The following MSL3B variants were observed in gnomAD, a reference collection of about 807,000 sequenced individuals.
MSL3B encodes MSL complex subunit 3B.
At chr2:233,866,683 C>A in the MSL3B span, 2 of 790,038 alleles carry the variant, frequency 2.5e-6, no homozygotes, top group Middle Eastern at 2.2e-4. Context: ...CGGCTTTGCG[C>A]CTTTTAGGGG....
the MSL3B span, chr2:233,868,294 C>G: frequency 3.7e-6 from 1 of 272,156 alleles, no homozygotes; most frequent in South Asian, 4.5e-5. Context: ...GGCTGCACGG[C>G]AGGGGAGATT....
the MSL3B span, chr2:233,867,004 AC>A: frequency 7.7e-7 from 1 of 1,291,940 alleles, no homozygotes; most frequent in Non-Finnish European, 1.1e-6. Flanking sequence ...CGTGATGGTG[AC>A]GAGGCCTCTC....
chr2:233,867,779 C>T, the MSL3B span, among the ~76,000 whole-genome samples: 7 of 144,576 alleles, frequency 4.8e-5, no homozygotes, highest in Non-Finnish European at 9.0e-5. Context: ...CGCCCAGACC[C>T]TAATCTACGA....
At chr2:233,864,790 GT>G in the MSL3B span, among the ~76,000 whole-genome samples, 1 of 152,132 alleles carries the variant, frequency 6.6e-6, no homozygotes, top group South Asian at 2.1e-4. Flanking sequence ...TCAAACTCCA[GT>G]GCTCTAACCT....
the MSL3B span, among the ~76,000 whole-genome samples, chr2:233,867,810 T>TTTTTTTTTTG: frequency 7.9e-6 from 1 of 126,152 alleles, no homozygotes; most frequent in Non-Finnish European, 1.7e-5. Flanking sequence ...TTTTTTTTTT[T>TTTTTTTTTTG]GAGACAGAGT....
the MSL3B span, chr2:233,867,415 C>A: frequency 2.0e-6 from 1 of 502,444 alleles, no homozygotes; most frequent in Non-Finnish European, 3.6e-6. Context: ...TCTCTTGCTC[C>A]TCAGGTGAGC....
chr2:233,866,681 C>A, the MSL3B span: 4 of 789,750 alleles, frequency 5.1e-6, no homozygotes, highest in South Asian at 2.7e-5. Flanking sequence ...CTCGGCTTTG[C>A]GCCTTTTAGG....
the MSL3B span, among the ~76,000 whole-genome samples, chr2:233,865,093 C>G: frequency 3.9e-5 from 6 of 152,184 alleles, no homozygotes; most frequent in Admixed American, 2.6e-4. Flanking sequence ...ATTAGGATCA[C>G]AGAAAGTGAA....
At chr2:233,867,140 T>A in the MSL3B span, 1 of 814,850 alleles carries the variant, frequency 1.2e-6, no homozygotes, top group Non-Finnish European at 2.2e-6. Context: ...ACAATCATCC[T>A]CCAGCTGCCT....
At chr2:233,865,339 T>A in the MSL3B span, 1 of 152,210 alleles carries the variant, frequency 6.6e-6, no homozygotes, top group African/African-American at 2.4e-5. Context: ...TAAGTAATCA[T>A]TTTTGTCAAG....
chr2:233,867,132 A>G, the MSL3B span: 1 of 833,310 alleles, frequency 1.2e-6, no homozygotes, highest in Admixed American at 1.7e-5. Flanking sequence ...ATGTAGTAAC[A>G]ATCATCCTCC....
the MSL3B span, chr2:233,866,550 G>T: frequency 1.0e-6 from 1 of 978,122 alleles, no homozygotes; most frequent in Non-Finnish European, 1.7e-6. Flanking sequence ...AACAGCTTGG[G>T]CACACTGGTG....
At chr2:233,867,291 T>C in the MSL3B span, 3 of 734,392 alleles carry the variant, frequency 4.1e-6, no homozygotes, top group African/African-American at 5.3e-5. Context: ...TCTTCACTAC[T>C]GTCAGAGGAA....
the MSL3B span, chr2:233,868,160 C>A: frequency 2.4e-6 from 1 of 419,676 alleles, no homozygotes; most frequent in Non-Finnish European, 4.9e-6. Context: ...TCAGTTCCAA[C>A]CGTTACAACG....
chr2:233,866,306 G>T, the MSL3B span: 5 of 781,770 alleles, frequency 6.4e-6, no homozygotes, highest in Admixed American at 8.6e-5. Context: ...AAGAATTTCT[G>T]GAAGTTTGAC....
At chr2:233,866,872 G>C in the MSL3B span, 1 of 1,420,582 alleles carries the variant, frequency 7.0e-7, no homozygotes, top group Non-Finnish European at 1.0e-6. Context: ...CATAGGGATA[G>C]AGTAAAACCA....
At chr2:233,867,789 A>ATTT in the MSL3B span, among the ~76,000 whole-genome samples, 81 of 72,814 alleles carry the variant, frequency 1.1e-3, 1 homozygote, top group African/African-American at 3.2e-3. Flanking sequence ...CTAATCTACG[A>ATTT]TTTTTTTTTT....
the MSL3B span, among the ~76,000 whole-genome samples, chr2:233,867,854 G>T: frequency 7.0e-6 from 1 of 143,652 alleles, no homozygotes; most frequent in Non-Finnish European, 1.5e-5. Flanking sequence ...GTGCAATGGC[G>T]ATCTCGGCTC....
At chr2:233,867,507 G>A in the MSL3B span, 1 of 313,644 alleles carries the variant, frequency 3.2e-6, no homozygotes, top group Non-Finnish European at 6.0e-6. Flanking sequence ...AAGAGTTTCG[G>A]TATTGTTGCC....
Sources: allele counts gnomAD v4.1 joint callset (sites outside exome capture counted in the v4.1 genomes callset), GRCh38; gene constraint gnomAD v4.1.1; transcripts MANE v1.5; gene names NCBI Gene and HGNC (gene_info 2026-07-23, HGNC 2026-07-21).